The following BIRC3 variants were observed in gnomAD, a reference collection of about 807,000 sequenced individuals.
BIRC3 encodes the protein baculoviral IAP repeat containing 3, also known as baculoviral IAP repeat-containing protein 3.
In BIRC3, 26 loss-of-function variants were observed where a neutral mutation model predicts 59.0. That is an observed-to-expected ratio of 0.44 (90% CI 0.32 to 0.61). The LOEUF is 0.61. Among genes scored for constraint, BIRC3 ranks in the 20% least tolerant of loss-of-function variants. BIRC3 has a pLI of 0.04. For synonymous variants in BIRC3, 243 were observed against 249.2 expected (o/e 0.98, Z 0.24); for missense variants, 641 against 711.5 (o/e 0.90, Z 1.13).
intron 5 of BIRC3, among the ~76,000 whole-genome samples, 198 bp downstream of exon 5, chr11:102,329,143 T>C (rs771163804): frequency 2.6e-5 from 4 of 152,144 alleles, no homozygotes; most frequent in Non-Finnish European, 5.9e-5. Flanking sequence ...ATATGACAGA[T>C]TTCCAGTTTC....
rs562716365 is a variant in BIRC3 at position 102,319,580 on chromosome 11, G to A, written c.-2674+2009G>A. 7.9e-5 allele frequency among the ~76,000 whole-genome samples: 12 copies of A among 152,272 alleles called. No homozygotes were observed. The East Asian group carries it at 2.1e-3, about 27-fold the overall frequency. On this transcript the variant is annotated intron_variant, in intron 1 of 8. Transcript: ENST00000263464. ...GCCAAAACGGCTTGGATATGAGAAC[G>A]TGAGAAGGTTCCTGCTCAATGATGT... is the stretch of plus-strand genomic sequence containing the variant.
chr11:102,330,570 CTGAT>C (rs1591523411), intron 5 of BIRC3, among the ~76,000 whole-genome samples: 3 of 152,332 alleles, frequency 2.0e-5, no homozygotes, highest in East Asian at 3.9e-4. Context: ...AAAAGTCACT[CTGAT>C]TGCACTGTTG....
At position 102,325,100 on chromosome 11, in the gene BIRC3, A is replaced by G; in HGVS notation, c.591A>G (p.Ile197Met). ...TGGCAAAAGCAGGCTTTTACTACAT[A>G]GGACCTGGAGACAGAGTGGCTTGCT... is the stretch of plus-strand genomic sequence containing the variant. The part of the protein sequence containing the change: ...TDLAKAGFYY[I>M]GPGDRVACFA... The change falls in exon 2 of 9, where the codon ATA (isoleucine) becomes ATG (methionine). Residue 197 changes from isoleucine to methionine, a missense_variant. Physicochemically the swap from Ile to Met is conservative, Grantham distance 10. Coordinates refer to ENST00000263464, the MANE Select transcript of BIRC3 (RefSeq NM_001165.5). 1 of 1,614,206 alleles carries G rather than the reference A, an allele frequency of 6.2e-7. No homozygotes were observed. The highest frequency in any genetic ancestry group is 8.5e-7 in the Non-Finnish European group (1 of 1,180,020).
rs1216149903 is a variant in BIRC3 at position 102,323,203 on chromosome 11, T to C, written c.-1307T>C. On this transcript the variant is annotated 5_prime_UTR_variant, in exon 2 of 9. Coordinates refer to ENST00000263464, the MANE Select transcript of BIRC3 (RefSeq NM_001165.5). ...TTAGTTCTTTGAGGGGGACAAAAAA[T>C]TTAAAATCTTTGAAAGGTCTTATTT... The C allele has an allele frequency of 5.0e-6, 1 of 198,502 alleles. No individual in the cohort carries two copies. Among genetic ancestry groups the C allele is most frequent in the Admixed American group, 6.0e-5 (1 of 16,576 alleles). The allele number at this position is 198,502 out of a possible 1,614,324, so 12.3% of individuals were successfully genotyped here.
In BIRC3 at chr11:102,337,469, T is replaced by C; in HGVS notation, c.*367T>C. ...ACCGGGAACATGAAGCCAGGTGTGG[T>C]GGTATGTGCCTGTAGTCCCAGGCTG... On this transcript the variant is annotated 3_prime_UTR_variant, in exon 9 of 9. Coordinates refer to ENST00000263464, the MANE Select transcript of BIRC3 (RefSeq NM_001165.5). 2.5e-6 allele frequency: 1 copy of C among 398,026 alleles called. No homozygotes were observed. Among genetic ancestry groups the C allele is most frequent in the East Asian group, 3.6e-5 (1 of 28,066 alleles). The allele number at this position is 398,026 out of a possible 1,614,324, so 24.7% of individuals were successfully genotyped here.
At chr11:102,321,812 T>C (rs1223357820) in intron 1 of BIRC3, 25 bp from the exon 2 acceptor site, 1 of 167,012 alleles carries the variant, frequency 6.0e-6, no homozygotes, top group Non-Finnish European at 1.3e-5. Flanking sequence ...GTTTTAAAAC[T>C]GTCTTTTTGT....
At chr11:102,329,996 T>C (rs542343012) in intron 5 of BIRC3, among the ~76,000 whole-genome samples, 36 of 152,262 alleles carry the variant, frequency 2.4e-4, no homozygotes, top group African/African-American at 8.4e-4. Context: ...TGGTCTCATG[T>C]ATCTACTGGA....
chr11:102,325,616 G>T lies in BIRC3; in HGVS notation c.953+51G>T, dbSNP rs781401418. 2.0e-6 allele frequency: 3 copies of T among 1,524,486 alleles called. No homozygotes were observed. The Admixed American group carries it at 5.2e-5, about 26-fold the overall frequency. The allele number at this position is 1,524,486 out of a possible 1,614,324, so 94.4% of individuals were successfully genotyped here. ...AAATTCTTGTGATTATCATGAGATT[G>T]CTTATATGTGTTCACCTGAAATCAG... On this transcript the variant is annotated intron_variant, in intron 3 of 8. Transcript: ENST00000263464.
chr11:102,334,456 C>G (rs1433893848), intron 6 of BIRC3, among the ~76,000 whole-genome samples: 1 of 152,126 alleles, frequency 6.6e-6, no homozygotes, highest in Non-Finnish European at 1.5e-5. Flanking sequence ...TAAGCATCAT[C>G]TTTATTTTCT....
In BIRC3 at chr11:102,336,490, A is replaced by G. The variant is rs1021116427; in HGVS notation, c.1579+270A>G. On this transcript the variant is annotated intron_variant, in intron 7 of 8. Coordinates refer to ENST00000263464, the MANE Select transcript of BIRC3 (RefSeq NM_001165.5). ...TGCCTGGTAATCCCAGCTACTCAAG[A>G]GGATGAGGTGGGAGGATGGCTTAAG... The G allele has an allele frequency of 2.0e-5, 11 of 557,410 alleles. No individual in the cohort carries two copies. In the East Asian group the frequency reaches 3.4e-4, roughly 17 times the overall value. 34.5% of individuals were successfully genotyped at this position (557,410 alleles called of 1,614,324 possible). A position where few individuals can be genotyped will look rare whatever the true frequency, so the allele number is the denominator to read the frequency against.
intron 6 of BIRC3, among the ~76,000 whole-genome samples, chr11:102,332,898 G>C (rs1056825670): frequency 7.9e-5 from 12 of 152,152 alleles, no homozygotes; most frequent in African/African-American, 2.9e-4. Flanking sequence ...CTTAGTGGTA[G>C]CCATTTGTCA....
At chr11:102,334,102 G>A (rs1951173064) in intron 6 of BIRC3, among the ~76,000 whole-genome samples, 1 of 152,236 alleles carries the variant, frequency 6.6e-6, no homozygotes, top group Non-Finnish European at 1.5e-5. Flanking sequence ...TTCAGAGAAT[G>A]CATTATATTA....
Position 102,339,138 on chromosome 11 carries a change from G to T in BIRC3, c.*2036G>T, listed in dbSNP as rs1951230010. On this transcript the variant is annotated 3_prime_UTR_variant, in exon 9 of 9. Coordinates refer to ENST00000263464, the MANE Select transcript of BIRC3 (RefSeq NM_001165.5). Reference sequence around the variant, plus strand: ...GCATGGGTGCTAGGCTGAATTATTTGTAATTGTGCTTAGGTGATTTGTAAC... The same window carrying T: ...GCATGGGTGCTAGGCTGAATTATTTTTAATTGTGCTTAGGTGATTTGTAAC... 4.9e-6 allele frequency: 1 copy of T among 204,138 alleles called. No homozygotes were observed. Among genetic ancestry groups the T allele is most frequent in the East Asian group, 7.5e-5 (1 of 13,412 alleles). The allele number at this position is 204,138 out of a possible 1,614,324, so 12.6% of individuals were successfully genotyped here. A position where few individuals can be genotyped will look rare whatever the true frequency, so the allele number is the denominator to read the frequency against.
At position 102,337,266 on chromosome 11, in the gene BIRC3, T is replaced by C. The variant is rs183381992; in HGVS notation, c.*164T>C. 104 of 468,962 alleles carry C rather than the reference T, an allele frequency of 2.2e-4. No individual in the cohort carries two copies. In the East Asian group the frequency reaches 3.4e-3, roughly 15 times the overall value. 29.1% of individuals were successfully genotyped at this position (468,962 alleles called of 1,614,324 possible). A position where few individuals can be genotyped will look rare whatever the true frequency, so the allele number is the denominator to read the frequency against. ...TATATGTATCTAAACCATATGAACA[T>C]ATATTTTTTAGAAACTAAGAGAATG... On this transcript the variant is annotated 3_prime_UTR_variant, in exon 9 of 9. Transcript: ENST00000263464.
rs1397744554 is a variant in BIRC3 at position 102,338,230 on chromosome 11, G to A, written c.*1128G>A. The A allele has an allele frequency of 1.8e-5, 4 of 227,034 alleles. No individual in the cohort carries two copies. Among genetic ancestry groups the A allele is most frequent in the African/African-American group, 8.9e-5 (4 of 44,966 alleles). 14.1% of individuals were successfully genotyped at this position (227,034 alleles called of 1,614,324 possible). A position where few individuals can be genotyped will look rare whatever the true frequency, so the allele number is the denominator to read the frequency against. On this transcript the variant is annotated 3_prime_UTR_variant, in exon 9 of 9. Transcript: ENST00000263464. The stretch of plus-strand genomic sequence containing the variant: ...TTATAGAGGTATTAGGTCTTCAAGA[G>A]CAGAAGTAAGACTGTAATAGGGAAT...
intron 6 of BIRC3, among the ~76,000 whole-genome samples, chr11:102,335,221 G>A (rs1951183575): frequency 6.6e-6 from 1 of 152,182 alleles, no homozygotes; most frequent in Non-Finnish European, 1.5e-5. Flanking sequence ...CAGCCTGGGC[G>A]ACAGAGCAAG....
At chr11:102,330,393 A>G (rs893509856) in intron 5 of BIRC3, among the ~76,000 whole-genome samples, 1 of 152,222 alleles carries the variant, frequency 6.6e-6, no homozygotes, top group Non-Finnish European at 1.5e-5. Context: ...CTTCTGGGCT[A>G]GAGTGCAGAA....
In BIRC3 at chr11:102,322,315, T is replaced by C. The variant is rs1200564114; in HGVS notation, c.-2195T>C. 4.8e-6 allele frequency: 1 copy of C among 207,574 alleles called. No individual in the cohort carries two copies. Among genetic ancestry groups the C allele is most frequent in the Non-Finnish European group, 9.8e-6 (1 of 101,774 alleles). 12.9% of individuals were successfully genotyped at this position (207,574 alleles called of 1,614,324 possible). The stretch of plus-strand genomic sequence containing the variant: ...GAAAGTTTTGACACATTAAAATACT[T>C]CTACAGTGACAAAGAAAAATCAAGA... On this transcript the variant is annotated 5_prime_UTR_variant, in exon 2 of 9. Coordinates refer to ENST00000263464, the MANE Select transcript of BIRC3 (RefSeq NM_001165.5).
intron 8 of BIRC3, 32 bp from the exon 9 acceptor site, chr11:102,336,877 G>A: frequency 1.9e-6 from 3 of 1,589,888 alleles, no homozygotes; most frequent in Non-Finnish European, 2.6e-6. Flanking sequence ...GAAGCAAACT[G>A]CCTTTTATTA....
Sources: gnomAD v4.1 joint callset for allele counts (sites outside exome capture counted in the v4.1 genomes callset) on GRCh38, gnomAD v4.1.1 for gene constraint, MANE v1.5 for transcripts, NCBI Gene and HGNC (gene_info 2026-07-23, HGNC 2026-07-21) for gene names.